SAMMSON: variants seen among roughly 807,000 people sequenced by gnomAD.
The protein encoded by SAMMSON is survival associated mitochondrial melanoma specific oncogenic non-coding RNA.
At chr3:70,417,506 T>A (rs551200279) in intron 2 of SAMMSON, among the ~76,000 whole-genome samples, 4 of 152,284 alleles carry the variant, frequency 2.6e-5, no homozygotes, top group South Asian at 2.1e-4. Flanking sequence ...CAGATTTGAA[T>A]TGGCTCAATT....
chr3:70,134,087 CAA>C (rs1157606808), intron 4 of SAMMSON, among the ~76,000 whole-genome samples: 431 of 60,566 alleles, frequency 7.1e-3, no homozygotes, highest in African/African-American at 0.022. Flanking sequence ...ACTGAAAATA[CAA>C]AAAAAAAAAA....
chr3:70,272,063 A>C (rs1701980952), intron 6 of SAMMSON: 1 of 152,174 alleles, frequency 6.6e-6, no homozygotes, highest in Non-Finnish European at 1.5e-5. Flanking sequence ...GTGTCTGGCT[A>C]TGGCTAACAC....
intron 3 of SAMMSON, among the ~76,000 whole-genome samples, chr3:70,029,045 T>G (rs557088517): frequency 1.4e-4 from 22 of 152,318 alleles, no homozygotes; most frequent in Non-Finnish European, 2.5e-4. Context: ...GTCCATGAGC[T>G]AAACCATTAT....
intron 4 of SAMMSON, among the ~76,000 whole-genome samples, chr3:70,242,477 A>T (rs1701673627): frequency 6.6e-6 from 1 of 152,180 alleles, no homozygotes; most frequent in Non-Finnish European, 1.5e-5. Flanking sequence ...TGGGGCAGTT[A>T]CTTGGACAAG....
At chr3:70,288,243 A>T (rs1218600003) in intron 6 of SAMMSON, among the ~76,000 whole-genome samples, 1 of 128,970 alleles carries the variant, frequency 7.8e-6, no homozygotes, top group Non-Finnish European at 1.6e-5. Context: ...CATCCCAGAG[A>T]TTCTGGTATG....
intron 4 of SAMMSON, among the ~76,000 whole-genome samples, chr3:70,144,450 G>C (rs1436206041): frequency 2.6e-5 from 4 of 152,038 alleles, no homozygotes; most frequent in African/African-American, 9.7e-5. Flanking sequence ...CAATGCTGCT[G>C]TCATCAGATT....
At chr3:70,151,091 CAG>C (rs1231991908) in intron 4 of SAMMSON, among the ~76,000 whole-genome samples, 1 of 29,116 alleles carries the variant, frequency 3.4e-5, no homozygotes, top group Non-Finnish European at 7.9e-5. Context: ...TTTATTTCAA[CAG>C]AGAGAATTTA....
intron 6 of SAMMSON, among the ~76,000 whole-genome samples, chr3:70,280,016 A>G (rs530883787): frequency 1.3e-5 from 2 of 152,180 alleles, no homozygotes; most frequent in Non-Finnish European, 2.9e-5. Context: ...CCAGTTCTTG[A>G]GGCCAGAAGT....
intron 4 of SAMMSON, among the ~76,000 whole-genome samples, chr3:70,087,440 G>T (rs77924458): frequency 6.6e-6 from 1 of 152,096 alleles, no homozygotes; most frequent in African/African-American, 2.4e-5. Flanking sequence ...CTTTTTCTCT[G>T]TATGCACATT....
At position 70,323,092 on chromosome 3, in the gene SAMMSON, CTT is replaced by C. The variant is rs372703074; in HGVS notation, n.740-31081_740-31080del. On this transcript the variant is annotated intron_variant and non_coding_transcript_variant, in intron 7 of 9. Coordinates refer to ENST00000642114, the Ensembl canonical transcript of SAMMSON. ...ACAAATTAGATTGAAAATGGCATCT[CTT>C]TACTTCTCAGATAAATAAAAAGTAC... Among the ~76,000 whole-genome samples the C allele has an allele frequency of 5.6e-3, 850 of 152,210 alleles. 12 individuals are homozygous for C. Among genetic ancestry groups the C allele is most frequent in the African/African-American group, 0.019 (809 of 41,544 alleles).
intron 4 of SAMMSON, among the ~76,000 whole-genome samples, chr3:70,190,229 T>C (rs1405155958): frequency 1.3e-5 from 2 of 152,156 alleles, no homozygotes; most frequent in Non-Finnish European, 2.9e-5. Context: ...TTCTTTCCCA[T>C]CCATCTCTTC....
chr3:70,197,807 A>G (rs915093139), intron 4 of SAMMSON, among the ~76,000 whole-genome samples: 1 of 152,206 alleles, frequency 6.6e-6, no homozygotes, highest in Non-Finnish European at 1.5e-5. Context: ...TTGATTTTAT[A>G]TTCAAGTTGT....
At chr3:70,233,097 A>G (rs983650219) in intron 4 of SAMMSON, among the ~76,000 whole-genome samples, 3 of 152,146 alleles carry the variant, frequency 2.0e-5, no homozygotes, top group Non-Finnish European at 4.4e-5. Context: ...GCTGAGGCAC[A>G]AGAATCGCTT....
chr3:70,376,524 C>T (rs887922429), intron 9 of SAMMSON, among the ~76,000 whole-genome samples: 9 of 152,146 alleles, frequency 5.9e-5, no homozygotes, highest in African/African-American at 9.7e-5. Context: ...ATCCATCAGA[C>T]ACCTTGTCAT....
chr3:70,058,769 G>A (rs2067177068), intron 3 of SAMMSON, among the ~76,000 whole-genome samples: 1 of 152,072 alleles, frequency 6.6e-6, no homozygotes, highest in Non-Finnish European at 1.5e-5. Context: ...ACCAGTGACT[G>A]TATATACCAT....
At chr3:70,181,919 G>T (rs918571679) in intron 4 of SAMMSON, among the ~76,000 whole-genome samples, 4 of 152,150 alleles carry the variant, frequency 2.6e-5, no homozygotes, top group Admixed American at 2.6e-4. Flanking sequence ...ATGGGCAGGG[G>T]TGAGTCAACT....
At chr3:70,074,724 G>A (rs140633675) in intron 4 of SAMMSON, among the ~76,000 whole-genome samples, 2 of 152,138 alleles carry the variant, frequency 1.3e-5, no homozygotes, top group Non-Finnish European at 2.9e-5. Flanking sequence ...TCTCTGGTTT[G>A]TACATAGTGT....
chr3:70,178,435 C>T (rs554792092), intron 4 of SAMMSON, among the ~76,000 whole-genome samples: 1 of 152,180 alleles, frequency 6.6e-6, no homozygotes, highest in Non-Finnish European at 1.5e-5. Flanking sequence ...ATATAGCAAG[C>T]CTCATAATTT....
intron 4 of SAMMSON, among the ~76,000 whole-genome samples, chr3:70,118,974 A>T (rs2067422307): frequency 6.6e-6 from 1 of 151,922 alleles, no homozygotes; most frequent in African/African-American, 2.4e-5. Context: ...TAGCAACTTT[A>T]TCTGTTCTGC....
Sources: allele counts gnomAD v4.1 joint callset (sites outside exome capture counted in the v4.1 genomes callset), GRCh38; gene constraint gnomAD v4.1.1; transcripts MANE v1.5; gene names NCBI Gene and HGNC (gene_info 2026-07-23, HGNC 2026-07-21).